IL1RAPL1: variants seen among roughly 807,000 people sequenced by gnomAD.
The protein encoded by IL1RAPL1 is interleukin-1 receptor accessory protein-like 1.
IL1RAPL1 carries 3 observed loss-of-function variants against 48.4 expected under a neutral mutation model. The ratio of observed to expected loss-of-function variants is 0.06; its 90% CI spans 0.03 to 0.16. The LOEUF (loss-of-function observed/expected upper bound fraction) is 0.16. Among genes scored for constraint, IL1RAPL1 ranks in the 10% least tolerant of loss-of-function variants. The pLI is 1.00. For synonymous variants in IL1RAPL1, 185 were observed against 187.7 expected, an observed-to-expected ratio of 0.99 and a Z score of 0.12; for missense variants, 349 against 530.6, an observed-to-expected ratio of 0.66 and a Z score of 3.36.
intron 1 of IL1RAPL1, among the ~76,000 whole-genome samples, chrX:28,759,230 C>T (rs1469271883): frequency 2.5e-5 from 2 of 80,861 alleles, no homozygotes; most frequent in Non-Finnish European, 5.0e-5. Context: ...AAGAGTGAAA[C>T]TCCATCTCAA....
At chrX:28,616,516 C>T (rs1217325730) in intron 1 of IL1RAPL1, among the ~76,000 whole-genome samples, 1 of 110,237 alleles carries the variant, frequency 9.1e-6, no homozygotes, top group East Asian at 2.8e-4. Context: ...TCACTGCAAC[C>T]TCCACCTCCC....
intron 2 of IL1RAPL1, among the ~76,000 whole-genome samples, chrX:29,106,203 T>C: frequency 9.0e-6 from 1 of 111,708 alleles, no homozygotes; most frequent in Non-Finnish European, 1.9e-5. Context: ...TAGGGCATGT[T>C]CTCAAGGGGG....
At chrX:29,794,053 T>A (rs1248855741) in intron 6 of IL1RAPL1, among the ~76,000 whole-genome samples, 4 of 112,001 alleles carry the variant, frequency 3.6e-5, no homozygotes, top group African/African-American at 1.3e-4. Flanking sequence ...TTTACAAGTA[T>A]AATTGTAAGT....
At chrX:29,459,522 G>A (rs1204771832) in intron 5 of IL1RAPL1, among the ~76,000 whole-genome samples, 1 of 111,378 alleles carries the variant, frequency 9.0e-6, no homozygotes, top group African/African-American at 3.3e-5. Context: ...CAAGCGAGCG[G>A]ATTGGAAGAG....
intron 6 of IL1RAPL1, among the ~76,000 whole-genome samples, chrX:29,789,087 A>C (rs1353526622): frequency 8.9e-6 from 1 of 112,297 alleles, no homozygotes; most frequent in African/African-American, 3.2e-5. Context: ...AATCTGGAAC[A>C]CAAAGGAAAT....
chrX:28,982,076 T>A (rs1025416385), intron 2 of IL1RAPL1, among the ~76,000 whole-genome samples: 1 of 112,149 alleles, frequency 8.9e-6, no homozygotes, highest in Non-Finnish European at 1.9e-5. Context: ...ACTTTTTTTC[T>A]ATTTTATTCT....
intron 1 of IL1RAPL1, among the ~76,000 whole-genome samples, chrX:28,700,438 A>AG (rs1935281860): frequency 9.0e-6 from 1 of 111,357 alleles, no homozygotes; most frequent in Non-Finnish European, 1.9e-5. Context: ...TTTATTTTAT[A>AG]GATGAGGGAA....
At chrX:29,566,049 C>T (rs774673630) in intron 5 of IL1RAPL1, among the ~76,000 whole-genome samples, 1 of 109,692 alleles carries the variant, frequency 9.1e-6, no homozygotes, top group Non-Finnish European at 1.9e-5. Context: ...CCCGGGTTCA[C>T]GCCATTCTCC....
intron 5 of IL1RAPL1, among the ~76,000 whole-genome samples, chrX:29,581,124 T>G (rs1248797971): frequency 8.9e-6 from 1 of 112,598 alleles, no homozygotes; most frequent in Non-Finnish European, 1.9e-5. Context: ...AAGTTGTATA[T>G]GTCACACAGA....
chrX:29,789,759 T>C (rs1601823654), intron 6 of IL1RAPL1, among the ~76,000 whole-genome samples: 1 of 105,320 alleles, frequency 9.5e-6, no homozygotes, highest in Admixed American at 1.1e-4. Flanking sequence ...TCATTTACTT[T>C]CCATCTTTCT....
chrX:29,150,943 A>G (rs1929455123), intron 2 of IL1RAPL1, among the ~76,000 whole-genome samples: 1 of 109,313 alleles, frequency 9.1e-6, no homozygotes. Context: ...AAAAGAAAAA[A>G]AAAGAAACAA....
intron 2 of IL1RAPL1, among the ~76,000 whole-genome samples, chrX:29,166,936 T>C (rs1182288277): frequency 8.9e-6 from 1 of 112,242 alleles, no homozygotes; most frequent in Admixed American, 9.5e-5. Context: ...GTCACTTCCT[T>C]AGGAAAGCTT....
intron 2 of IL1RAPL1, among the ~76,000 whole-genome samples, chrX:28,935,582 G>A (rs1923996530): frequency 1.8e-5 from 2 of 111,210 alleles, no homozygotes; most frequent in Admixed American, 9.7e-5. Flanking sequence ...GCTTCCCTGA[G>A]GGTTATGTCT....
At chrX:29,554,939 A>G (rs376126226) in intron 5 of IL1RAPL1, among the ~76,000 whole-genome samples, 3 of 112,099 alleles carry the variant, frequency 2.7e-5, no homozygotes, top group East Asian at 2.8e-4. Flanking sequence ...TCTCCTCTCA[A>G]TAGTTTTTAA....
intron 1 of IL1RAPL1, among the ~76,000 whole-genome samples, chrX:28,734,015 ACTC>A (rs2146948276): frequency 1.8e-5 from 2 of 108,748 alleles, no homozygotes; most frequent in South Asian, 7.9e-4. Context: ...GTCATCCTTC[ACTC>A]CTCTCATTTT....
intron 5 of IL1RAPL1, among the ~76,000 whole-genome samples, chrX:29,437,212 A>G (rs1934491589): frequency 9.0e-6 from 1 of 110,514 alleles, no homozygotes; most frequent in African/African-American, 3.3e-5. Context: ...TCTATTATAG[A>G]TTCAATCATT....
chrX:29,833,770 A>T (rs940795210), intron 6 of IL1RAPL1, among the ~76,000 whole-genome samples: 1 of 111,978 alleles, frequency 8.9e-6, no homozygotes, highest in African/African-American at 3.2e-5. Context: ...CAGGAAAAAG[A>T]GCTGCTGTGA....
intron 5 of IL1RAPL1, among the ~76,000 whole-genome samples, chrX:29,429,467 C>T (rs1241535001): frequency 1.8e-5 from 2 of 111,893 alleles, no homozygotes; most frequent in Non-Finnish European, 3.8e-5. Flanking sequence ...GTATTTCCAC[C>T]TTTTCTTTCC....
intron 5 of IL1RAPL1, among the ~76,000 whole-genome samples, chrX:29,597,925 G>A (rs779820792): frequency 1.3e-4 from 14 of 111,784 alleles, no homozygotes; most frequent in South Asian, 7.4e-4. Flanking sequence ...TCTTCTTTTC[G>A]TGGTTAGTTT....
Sources: allele counts gnomAD v4.1 joint callset (sites outside exome capture counted in the v4.1 genomes callset), GRCh38; gene constraint gnomAD v4.1.1; transcripts MANE v1.5; gene names NCBI Gene and HGNC (gene_info 2026-07-23, HGNC 2026-07-21).